The following NUSAP1 variants were observed in gnomAD, a reference collection of about 807,000 sequenced individuals.
NUSAP1 encodes nucleolar and spindle-associated protein 1.
A neutral mutation model predicts 52.8 loss-of-function variants in NUSAP1; 32 were observed. The observed-to-expected ratio is 0.61, with a 90% CI of 0.46 to 0.81. The LOEUF (loss-of-function observed/expected upper bound fraction) is 0.81. Among genes scored for constraint, NUSAP1 ranks in the 40% least tolerant of loss-of-function variants. The pLI is 0.00. For synonymous variants in NUSAP1, 195 were observed against 183.1 expected (o/e 1.06, Z -0.52); for missense variants, 499 against 522.3 (o/e 0.96, Z 0.43).
chr15:41,344,857 T>G (rs2048502074), intron 2 of NUSAP1, among the ~76,000 whole-genome samples: 1 of 151,998 alleles, frequency 6.6e-6, no homozygotes, highest in East Asian at 1.9e-4. Context: ...AGGAGAATTA[T>G]TTGAACCTGG....
At chr15:41,338,447 G>A (rs1242422998) in intron 1 of NUSAP1, among the ~76,000 whole-genome samples, 1 of 152,072 alleles carries the variant, frequency 6.6e-6, no homozygotes, top group East Asian at 1.9e-4. Flanking sequence ...TTCACCCACA[G>A]CCATCCATTC....
At chr15:41,359,959 C>T (rs1309313823) in intron 6 of NUSAP1, among the ~76,000 whole-genome samples, 1 of 151,422 alleles carries the variant, frequency 6.6e-6, no homozygotes, top group Non-Finnish European at 1.5e-5. Context: ...CACTGTTTGT[C>T]AAACTTTTTT....
intron 1 of NUSAP1, among the ~76,000 whole-genome samples, chr15:41,334,486 G>C (rs1348687332): frequency 6.6e-6 from 1 of 152,112 alleles, no homozygotes; most frequent in African/African-American, 2.4e-5. Flanking sequence ...GTTTTCCTTG[G>C]GGATATTTCT....
rs371419865 is a variant in NUSAP1 at position 41,348,235 on chromosome 15, C to T, written c.163-863C>T. 1.2e-4 allele frequency among the ~76,000 whole-genome samples: 18 copies of T among 152,242 alleles called. No homozygotes were observed. In the South Asian group the frequency reaches 2.9e-3, roughly 25 times the overall value. The stretch of plus-strand genomic sequence containing the variant: ...CTGGGATTACAGGCACTTGCCACCA[C>T]GCCTGGCTAATTTTTGTATTTTTAG... On this transcript the variant is annotated intron_variant, in intron 2 of 10. Transcript: ENST00000559596.
At chr15:41,372,992 G>GT (rs543959004) in intron 8 of NUSAP1, among the ~76,000 whole-genome samples, 112 of 151,866 alleles carry the variant, frequency 7.4e-4, no homozygotes, top group Non-Finnish European at 1.5e-3. Context: ...AGAGGCTGAG[G>GT]TAGGAGAATC....
chr15:41,333,511 GA>G (rs574461975), intron 1 of NUSAP1, among the ~76,000 whole-genome samples: 31 of 149,840 alleles, frequency 2.1e-4, no homozygotes, highest in Middle Eastern at 3.4e-3. Flanking sequence ...GGACCTGTCA[GA>G]AAAAAAAAAT....
At chr15:41,369,134 T>G (rs990749301) in intron 7 of NUSAP1, among the ~76,000 whole-genome samples, 1 of 151,986 alleles carries the variant, frequency 6.6e-6, no homozygotes, top group African/African-American at 2.4e-5. Context: ...CAGCCTTGAC[T>G]TCCCAGGATG....
chr15:41,360,793 C>CTTTTT (rs1180569684), intron 6 of NUSAP1, among the ~76,000 whole-genome samples: 7 of 117,028 alleles, frequency 6.0e-5, no homozygotes, highest in East Asian at 2.4e-4. Context: ...GTTTATCCAT[C>CTTTTT]TTTTTTTTTT....
intron 5 of NUSAP1, among the ~76,000 whole-genome samples, chr15:41,356,354 C>CT (rs398026995): frequency 0.51 from 63,140 of 124,412 alleles, 18,110 homozygotes; most frequent in East Asian, 0.95. Flanking sequence ...CTATTTCTTT[C>CT]TTTTTTTTTT....
chr15:41,363,272 C>A (rs901553082), intron 6 of NUSAP1, among the ~76,000 whole-genome samples: 6 of 138,888 alleles, frequency 4.3e-5, no homozygotes, highest in Non-Finnish European at 6.1e-5. Context: ...GGCGACAGAG[C>A]AAGTCTCCAT....
chr15:41,337,132 G>T (rs539617466), intron 1 of NUSAP1, among the ~76,000 whole-genome samples: 38 of 144,222 alleles, frequency 2.6e-4, no homozygotes, highest in African/African-American at 9.0e-4. Flanking sequence ...TCCTCCCACC[G>T]CAGCCCCCTG....
chr15:41,336,354 T>A (rs2048131124), intron 1 of NUSAP1, among the ~76,000 whole-genome samples: 2 of 151,608 alleles, frequency 1.3e-5, no homozygotes, highest in South Asian at 4.2e-4. Context: ...GTATAGCAAT[T>A]TGAAGGAGCC....
rs754072126 is a variant in NUSAP1 at position 41,350,953 on chromosome 15, C to A, written c.307-35C>A. 2.4e-5 allele frequency: 38 copies of A among 1,554,584 alleles called. No homozygotes were observed. The African/African-American group carries it at 5.1e-4, about 21-fold the overall frequency. On this transcript the variant is annotated intron_variant, in intron 3 of 10. Transcript: ENST00000559596. ...TTGGAAGGCAGCAATTCTTATTTAT[C>A]ATCGAAATCTTTTATTTCCTTTTTA...
At chr15:41,351,278 G>T (rs920726082) in intron 4 of NUSAP1, 149 bp downstream of exon 4, 17 of 745,160 alleles carry the variant, frequency 2.3e-5, no homozygotes, top group African/African-American at 2.0e-4. Flanking sequence ...CATAGTTCTA[G>T]AGGCTGGAAG....
At chr15:41,367,160 C>T (rs2049450989) in intron 7 of NUSAP1, among the ~76,000 whole-genome samples, 1 of 152,292 alleles carries the variant, frequency 6.6e-6, no homozygotes, top group East Asian at 1.9e-4. Flanking sequence ...CTGCTTACAA[C>T]GCTGCCTCTC....
chr15:41,351,453 A>C (rs1008555967), intron 4 of NUSAP1, among the ~76,000 whole-genome samples: 3 of 152,050 alleles, frequency 2.0e-5, no homozygotes, highest in African/African-American at 4.8e-5. Context: ...TTCTCTCTCT[A>C]TGTCTTCTTA....
chr15:41,342,884 AT>A (rs1306295570), intron 2 of NUSAP1, among the ~76,000 whole-genome samples: 3 of 152,168 alleles, frequency 2.0e-5, no homozygotes, highest in African/African-American at 7.2e-5. Context: ...AGAGATCATT[AT>A]TGGTAATAGT....
chr15:41,360,672 G>A (rs1000665057), intron 6 of NUSAP1, among the ~76,000 whole-genome samples: 1 of 150,846 alleles, frequency 6.6e-6, no homozygotes, highest in African/African-American at 2.4e-5. Flanking sequence ...GGCCAGGCTG[G>A]TCTCGATCTC....
chr15:41,356,632 C>T (rs557459918), intron 5 of NUSAP1, among the ~76,000 whole-genome samples: 1 of 152,208 alleles, frequency 6.6e-6, no homozygotes, highest in Non-Finnish European at 1.5e-5. Flanking sequence ...GGATTCCAGG[C>T]GTCAGCCACT....
Sources: allele counts gnomAD v4.1 joint callset (sites outside exome capture counted in the v4.1 genomes callset), GRCh38; gene constraint gnomAD v4.1.1; transcripts MANE v1.5; gene names NCBI Gene and HGNC (gene_info 2026-07-23, HGNC 2026-07-21).